The following PCDHGB4 variants were observed in gnomAD, a reference collection of about 807,000 sequenced individuals.
PCDHGB4 encodes the protein protocadherin gamma-B4.
PCDHGB4 carries 38 observed loss-of-function variants against 60.5 expected under a neutral mutation model. The ratio of observed to expected loss-of-function variants is 0.63; its 90% CI spans 0.48 to 0.82. The LOEUF (loss-of-function observed/expected upper bound fraction) is 0.82, where lower values mean the gene tolerates loss of function less well. PCDHGB4 is among the 40% of genes least tolerant of loss of function. The pLI is 0.00. For missense variants in PCDHGB4, 1,109 were observed against 1,209.6 expected (o/e 0.92, Z 1.23); for synonymous variants, 456 against 509.7 (o/e 0.89, Z 1.42).
intron 1 of PCDHGB4, chr5:141,413,447 C>T: frequency 2.5e-6 from 4 of 1,614,088 alleles, no homozygotes; most frequent in Non-Finnish European, 3.4e-6. Flanking sequence ...TTGATCACCG[C>T]GGGCAGGATA....
chr5:141,500,234 A>T (rs2099798212), intron 2 of PCDHGB4, among the ~76,000 whole-genome samples: 1 of 148,996 alleles, frequency 6.7e-6, no homozygotes, highest in Non-Finnish European at 1.5e-5. Context: ...ATTGATACGT[A>T]GCCTTGCTCT....
At position 141,388,402 on chromosome 5, in the gene PCDHGB4, G is replaced by C; in HGVS notation, c.518G>C (p.Ser173Thr). The change falls in exon 1 of 4, where the codon AGT (serine) becomes ACT (threonine). Residue 173 changes from serine (S) to threonine (T), a missense_variant. Ser to Thr is a moderately conservative substitution (Grantham distance 58, BLOSUM62 1). Around this residue, in one of 2 missense-constraint regions of PCDHGB4, gnomAD observed 1,068 missense variants for 1,089.9 expected, o/e 0.98. Transcript: ENST00000519479. ...GSNTLQNYQL[S>T]PSDHFSLINK... is the part of the protein sequence containing the mutation. ...AACACACTGCAGAATTACCAACTCAGTCCCAGTGATCATTTCTCACTGATA... is the reference window on the plus strand; with the variant it reads ...AACACACTGCAGAATTACCAACTCACTCCCAGTGATCATTTCTCACTGATA... The C allele has an allele frequency of 6.2e-7, 1 of 1,613,972 alleles. No homozygotes were observed. Among genetic ancestry groups the C allele is most frequent in the Non-Finnish European group, 8.5e-7 (1 of 1,179,892 alleles).
intron 1 of PCDHGB4, among the ~76,000 whole-genome samples, chr5:141,464,426 GAT>G (rs1287556960): frequency 6.6e-6 from 1 of 151,096 alleles, no homozygotes; most frequent in African/African-American, 2.4e-5. Context: ...TATATATATA[GAT>G]ATATATGTTT....
intron 1 of PCDHGB4, chr5:141,417,540 A>G (rs1301087527): frequency 2.0e-5 from 6 of 301,520 alleles, no homozygotes; most frequent in Non-Finnish European, 3.6e-5. Context: ...TTTAAAAAAA[A>G]TTCCTTGAAA....
rs199638280 is a variant in PCDHGB4, at chr5:141,389,871, G to C, written c.1987G>C (p.Ala663Pro). The C allele has an allele frequency of 1.8e-4, 297 of 1,614,056 alleles. No individual in the cohort carries two copies. The highest frequency in any genetic ancestry group is 2.3e-4 in the Non-Finnish European group (273 of 1,179,904). The change falls in exon 1 of 4, where the codon GCC (alanine) becomes CCC (proline). Residue 663 changes from alanine (A) to proline (P), a missense_variant. By Grantham distance (27) the Ala-to-Pro change is conservative (BLOSUM62 -1). Transcript: ENST00000519479. ...SATATLHLVF[A>P]DSLQEVLPDI... Reference sequence around the variant, plus strand: ...CACTGCCACGTTGCACCTGGTCTTCGCCGACAGCTTGCAGGAGGTGCTGCC... The same window carrying C: ...CACTGCCACGTTGCACCTGGTCTTCCCCGACAGCTTGCAGGAGGTGCTGCC...
At chr5:141,502,001 C>T (rs2099812274) in intron 2 of PCDHGB4, among the ~76,000 whole-genome samples, 2 of 152,106 alleles carry the variant, frequency 1.3e-5, no homozygotes, top group Admixed American at 1.3e-4. Flanking sequence ...CCCTGACAAC[C>T]CGCATGCTCT....
At chr5:141,397,255 T>C (rs1471539186) in intron 1 of PCDHGB4, among the ~76,000 whole-genome samples, 2 of 152,214 alleles carry the variant, frequency 1.3e-5, no homozygotes, top group Admixed American at 6.5e-5. Flanking sequence ...GGGTATATCA[T>C]TTCTTAGCTA....
At chr5:141,413,336 A>G (rs1561741680) in intron 1 of PCDHGB4, 1 of 1,613,972 alleles carries the variant, frequency 6.2e-7, no homozygotes, top group Non-Finnish European at 8.5e-7. Flanking sequence ...AACATCTCCA[A>G]GGACTTGGGT....
In PCDHGB4 at chr5:141,388,290, A is replaced by T. The variant is rs1299323228; in HGVS notation, c.406A>T (p.Asn136Tyr). The T allele has an allele frequency of 6.2e-7, 1 of 1,613,388 alleles. No homozygotes were observed. The highest frequency in any genetic ancestry group is 8.5e-7 in the Non-Finnish European group (1 of 1,179,762). The change falls in exon 1 of 4, where the codon AAT becomes TAT. Residue 136 changes from asparagine (N) to tyrosine (Y), a missense_variant. By Grantham distance (143) the Asn-to-Tyr change is moderately radical. Around this residue, in one of 2 missense-constraint regions of PCDHGB4, gnomAD observed 1,068 missense variants for 1,089.9 expected, o/e 0.98. Transcript: ENST00000519479. The part of the protein sequence containing the change: ...INDHTPKFTQ[N>Y]SFELQISESA... ...TGACCACACGCCAAAATTCACGCAA[A>T]ATTCCTTTGAGCTGCAAATAAGTGA...
chr5:141,399,407 C>T (rs1168752842), intron 1 of PCDHGB4: 5 of 1,613,914 alleles, frequency 3.1e-6, no homozygotes, highest in Non-Finnish European at 4.2e-6. Context: ...GGCAAGCCGC[C>T]CCTCTCCTCC....
chr5:141,405,037 G>C (rs756524085), intron 1 of PCDHGB4: 5 of 1,613,856 alleles, frequency 3.1e-6, no homozygotes, highest in Non-Finnish European at 4.2e-6. Flanking sequence ...ACCTCGTTGT[G>C]GCTGTGGCAG....
intron 1 of PCDHGB4, among the ~76,000 whole-genome samples, chr5:141,444,225 G>A (rs1307884592): frequency 8.0e-6 from 1 of 125,604 alleles, no homozygotes; most frequent in African/African-American, 3.1e-5. Context: ...AGGCTGGAGT[G>A]CAATGGCATG....
At chr5:141,405,232 C>T (rs779259588) in intron 1 of PCDHGB4, 8 of 1,613,990 alleles carry the variant, frequency 5.0e-6, no homozygotes, top group Middle Eastern at 1.6e-4. Flanking sequence ...TCTCCCTCAC[C>T]GCTGACTCAA....
In PCDHGB4 at chr5:141,422,240, T is replaced by C. The variant is rs1472994337; in HGVS notation, c.2397+31959T>C. ...ACCACCACGACGATGTTGATCACTG[T>C]TGTGGATGTGAATGATAACGCTCCA... On this transcript the variant is annotated intron_variant, in intron 1 of 3. Coordinates refer to ENST00000519479, the MANE Select transcript of PCDHGB4 (RefSeq NM_003736.4). 1.3e-6 allele frequency: 2 copies of C among 1,566,716 alleles called. No individual in the cohort carries two copies. The highest frequency in any genetic ancestry group is 1.2e-5 in the South Asian group (1 of 81,384).
Position 141,431,585 on chromosome 5 carries a change from G to A in PCDHGB4, c.2397+41304G>A. 6.2e-7 allele frequency: 1 copy of A among 1,614,204 alleles called. No individual in the cohort carries two copies. The highest frequency in any genetic ancestry group is 1.6e-4 in the Middle Eastern group (1 of 6,062). On this transcript the variant is annotated intron_variant, in intron 1 of 3. Transcript: ENST00000519479. This position sits in a 1 kb window ranked among gnomAD's most constrained non-coding sequence, Gnocchi z 4.8. ...CGACCCTGACGAAGGAGTCAATGCG[G>A]AAGTGAGGTATTCCTTCCGGTATGT...
intron 1 of PCDHGB4, chr5:141,478,925 G>T: frequency 1.4e-6 from 1 of 700,562 alleles, no homozygotes; most frequent in Non-Finnish European, 2.2e-6. Context: ...TCTAACCAGT[G>T]GCAGCTTCTA....
rs1474849292 is a variant in PCDHGB4 at position 141,454,205 on chromosome 5, G to T, written c.2398-40602G>T. Among the ~76,000 whole-genome samples, 3 of 152,154 alleles carry T rather than the reference G, an allele frequency of 2.0e-5. No individual in the cohort carries two copies. The East Asian group carries it at 5.8e-4, about 29-fold the overall frequency. ...GGAGCTTAGTGAAGGTGAATTTATT[G>T]ACATGAATGAGAAAAGTAATTGTGA... On this transcript the variant is annotated intron_variant, in intron 1 of 3. Coordinates refer to ENST00000519479, the MANE Select transcript of PCDHGB4 (RefSeq NM_003736.4).
At chr5:141,433,040 A>G in intron 1 of PCDHGB4, 1 of 1,614,086 alleles carries the variant, frequency 6.2e-7, no homozygotes, top group Non-Finnish European at 8.5e-7. Flanking sequence ...TTCCCTCACC[A>G]CGGACTCGCG....
intron 1 of PCDHGB4, chr5:141,424,285 T>A (rs573116321): frequency 6.5e-6 from 1 of 152,894 alleles, no homozygotes; most frequent in South Asian, 2.1e-4. Context: ...CTTTGTCTCA[T>A]TTCTTCATCC....
Sources: allele counts gnomAD v4.1 joint callset (sites outside exome capture counted in the v4.1 genomes callset), GRCh38; gene constraint gnomAD v4.1.1; regional missense constraint gnomAD v4.1.1; non-coding constraint Gnocchi (gnomAD v3.1); transcripts MANE v1.5; gene names NCBI Gene and HGNC (gene_info 2026-07-23, HGNC 2026-07-21).